The following LY6S variants were observed in gnomAD, a reference collection of about 807,000 sequenced individuals.
LY6S encodes the protein lymphocyte antigen 6 family member S.
At chr8:143,065,048 C>T in the LY6S span, among the ~76,000 whole-genome samples, 13 of 152,258 alleles carry the variant, frequency 8.5e-5, no homozygotes, top group African/African-American at 2.2e-4. Flanking sequence ...GTAACAAGTC[C>T]GAGGTGGAGC....
At chr8:143,042,881 G>T in the LY6S span, 2 of 597,696 alleles carry the variant, frequency 3.3e-6, no homozygotes, top group Non-Finnish European at 5.8e-6. Flanking sequence ...GAAAAAAGTG[G>T]TGTTGTTGGG....
chr8:143,063,132 C>A, the LY6S span, among the ~76,000 whole-genome samples: 1 of 152,144 alleles, frequency 6.6e-6, no homozygotes, highest in Non-Finnish European at 1.5e-5. Context: ...ATTTGTCCCA[C>A]TTGAGTATGT....
the LY6S span, among the ~76,000 whole-genome samples, chr8:143,074,367 T>C: frequency 2.0e-5 from 3 of 152,150 alleles, 1 homozygote; most frequent in Non-Finnish European, 4.4e-5. Context: ...CTTTTAATTC[T>C]ATCTTTTCTC....
the LY6S span, chr8:143,043,197 G>A: frequency 7.3e-7 from 1 of 1,367,662 alleles, no homozygotes; most frequent in Non-Finnish European, 9.8e-7. Flanking sequence ...GCTGCTGGCT[G>A]CCAGGACCAC....
At chr8:143,043,837 G>A in the LY6S span, among the ~76,000 whole-genome samples, 8 of 152,132 alleles carry the variant, frequency 5.3e-5, no homozygotes, top group Non-Finnish European at 7.4e-5. Flanking sequence ...CACCAGGCCC[G>A]GCTAATTTTG....
the LY6S span, among the ~76,000 whole-genome samples, chr8:143,071,399 T>C: frequency 1.1e-4 from 17 of 152,152 alleles, no homozygotes; most frequent in Admixed American, 2.0e-4. Context: ...GGTGGACGCA[T>C]GATGTTATGG....
At chr8:143,057,307 T>C in the LY6S span, 1 of 340,698 alleles carries the variant, frequency 2.9e-6, no homozygotes, top group South Asian at 2.6e-5. Context: ...TGGAGTGCAG[T>C]GGTGCCATCT....
At chr8:143,066,812 A>C in the LY6S span, among the ~76,000 whole-genome samples, 1 of 152,206 alleles carries the variant, frequency 6.6e-6, no homozygotes, top group Non-Finnish European at 1.5e-5. Context: ...GGACGAGTTA[A>C]GACTTTGGGG....
chr8:143,057,859 CTG>C, the LY6S span: 1 of 691,208 alleles, frequency 1.4e-6, no homozygotes, highest in Non-Finnish European at 2.7e-6. Flanking sequence ...GACTGGGGGC[CTG>C]TGTCGGGTGC....
the LY6S span, chr8:143,043,254 A>G: frequency 2.2e-6 from 3 of 1,364,110 alleles, no homozygotes; most frequent in Non-Finnish European, 2.9e-6. Context: ...GGAGTCCACA[A>G]CGGCACTTGT....
chr8:143,063,708 G>T, the LY6S span, among the ~76,000 whole-genome samples: 1 of 152,220 alleles, frequency 6.6e-6, no homozygotes, highest in Admixed American at 6.5e-5. Context: ...GTAGCGGGAA[G>T]TACAGTTTCT....
chr8:143,066,278 C>T, the LY6S span: 2 of 219,730 alleles, frequency 9.1e-6, no homozygotes, highest in South Asian at 5.6e-5. Flanking sequence ...AAGCGATTCT[C>T]ATGCCTCCTG....
chr8:143,050,765 G>C, the LY6S span, among the ~76,000 whole-genome samples: 1 of 152,146 alleles, frequency 6.6e-6, no homozygotes, highest in Admixed American at 6.5e-5. Context: ...GAATCCTGGT[G>C]CTGAATGGCT....
the LY6S span, among the ~76,000 whole-genome samples, chr8:143,068,846 G>A: frequency 1.3e-5 from 2 of 151,984 alleles, no homozygotes; most frequent in Non-Finnish European, 2.9e-5. Context: ...CTCTTCTGCA[G>A]TGCCACTCCC....
chr8:143,071,194 C>CGTGGAATACAG, the LY6S span, among the ~76,000 whole-genome samples: 2 of 151,628 alleles, frequency 1.3e-5, no homozygotes, highest in African/African-American at 4.8e-5. Context: ...GAAGACCCGG[C>CGTGGAATACAG]AGCATGGATG....
At chr8:143,062,301 A>T in the LY6S span, among the ~76,000 whole-genome samples, 2 of 152,240 alleles carry the variant, frequency 1.3e-5, no homozygotes, top group Non-Finnish European at 2.9e-5. Context: ...TTATATTATC[A>T]TCAAAACCAA....
the LY6S span, among the ~76,000 whole-genome samples, chr8:143,048,286 C>G: frequency 6.6e-6 from 1 of 152,312 alleles, no homozygotes; most frequent in East Asian, 1.9e-4. Context: ...CACCACTCAT[C>G]ATTATCCAAC....
chr8:143,064,075 C>A, the LY6S span, among the ~76,000 whole-genome samples: 1 of 152,194 alleles, frequency 6.6e-6, no homozygotes, highest in Non-Finnish European at 1.5e-5. Flanking sequence ...ATTTGGGAGC[C>A]CCAGGGCTAG....
chr8:143,043,350 C>T, the LY6S span: 38 of 906,620 alleles, frequency 4.2e-5, no homozygotes, highest in African/African-American at 2.4e-4. Flanking sequence ...TGCGAGAGAG[C>T]GGGGTGGGGG....
Sources: gnomAD v4.1 joint callset for allele counts (sites outside exome capture counted in the v4.1 genomes callset) on GRCh38, gnomAD v4.1.1 for gene constraint, MANE v1.5 for transcripts, NCBI Gene and HGNC (gene_info 2026-07-23, HGNC 2026-07-21) for gene names.